The following LHFPL3 variants were observed in gnomAD, a reference collection of about 807,000 sequenced individuals.
LHFPL3 encodes LHFPL tetraspan subfamily member 3.
LHFPL3 carries 5 observed loss-of-function variants against 19.3 expected under a neutral mutation model. That is an observed-to-expected ratio of 0.26 (90% CI 0.14 to 0.54). The LOEUF is 0.54. LHFPL3 is among the 20% of genes least tolerant of loss of function. The pLI, the probability that LHFPL3 is intolerant of heterozygous loss-of-function variation, is 0.94. For missense variants in LHFPL3, 249 were observed against 307.4 expected, an observed-to-expected ratio of 0.81 and a Z score of 1.42; for synonymous variants, 133 against 126.2, an observed-to-expected ratio of 1.05 and a Z score of -0.36.
chr7:104,746,474 C>T (rs184470741), intron 2 of LHFPL3, among the ~76,000 whole-genome samples: 1 of 152,130 alleles, frequency 6.6e-6, no homozygotes, highest in East Asian at 1.9e-4. Flanking sequence ...GATGAAAAAG[C>T]CAAGGCGCAG....
At chr7:104,830,107 C>G (rs1460872211) in intron 2 of LHFPL3, among the ~76,000 whole-genome samples, 1 of 151,828 alleles carries the variant, frequency 6.6e-6, no homozygotes, top group Admixed American at 6.6e-5. Flanking sequence ...TTTCATGTGT[C>G]TTTTGGCTGC....
intron 1 of LHFPL3, among the ~76,000 whole-genome samples, chr7:104,424,296 T>A (rs1791795142): frequency 6.6e-6 from 1 of 152,292 alleles, no homozygotes; most frequent in East Asian, 1.9e-4. Flanking sequence ...CAAGGTACTT[T>A]TGTTGGGGAA....
chr7:104,820,137 T>C (rs565962871), intron 2 of LHFPL3, among the ~76,000 whole-genome samples: 7 of 152,186 alleles, frequency 4.6e-5, no homozygotes, highest in East Asian at 1.9e-4. Context: ...TATCTGAAAA[T>C]TGGAAAATCC....
chr7:104,894,559 ACAT>A (rs1017855488), intron 2 of LHFPL3: 2 of 152,246 alleles, frequency 1.3e-5, no homozygotes, highest in Admixed American at 1.3e-4. Context: ...CAGCACTCAG[ACAT>A]CATCCTTGAT....
intron 2 of LHFPL3, among the ~76,000 whole-genome samples, chr7:104,904,694 C>G (rs1028019626): frequency 6.6e-6 from 1 of 151,984 alleles, no homozygotes. Flanking sequence ...AAATAAAGTG[C>G]TCTGTGATGT....
chr7:104,563,322 G>A (rs1790051386), intron 1 of LHFPL3, among the ~76,000 whole-genome samples: 1 of 152,412 alleles, frequency 6.6e-6, no homozygotes, highest in African/African-American at 2.4e-5. Flanking sequence ...TGCTGTGCTA[G>A]CAATCAGCGA....
At chr7:104,560,881 G>A (rs1235144634) in intron 1 of LHFPL3, among the ~76,000 whole-genome samples, 4 of 150,082 alleles carry the variant, frequency 2.7e-5, no homozygotes, top group Non-Finnish European at 5.9e-5. Context: ...GGTATGTTGT[G>A]TCTTTGTTCT....
intron 2 of LHFPL3, among the ~76,000 whole-genome samples, chr7:104,794,425 G>A (rs1790078972): frequency 6.6e-6 from 1 of 152,176 alleles, no homozygotes; most frequent in African/African-American, 2.4e-5. Context: ...CATGGGGAAT[G>A]GTGTTGAATA....
At chr7:104,754,155 T>A (rs1794236374) in intron 2 of LHFPL3, among the ~76,000 whole-genome samples, 1 of 152,094 alleles carries the variant, frequency 6.6e-6, no homozygotes, top group Non-Finnish European at 1.5e-5. Flanking sequence ...GAGTACTAGG[T>A]AGCAGGTAAG....
intron 1 of LHFPL3, among the ~76,000 whole-genome samples, chr7:104,427,102 G>A (rs747897370): frequency 1.1e-4 from 16 of 152,206 alleles, no homozygotes; most frequent in Non-Finnish European, 1.9e-4. Flanking sequence ...GGTTTTCACA[G>A]TGTATTTAGT....
intron 2 of LHFPL3, among the ~76,000 whole-genome samples, chr7:104,878,737 C>T (rs1791993360): frequency 6.6e-6 from 1 of 152,118 alleles, no homozygotes; most frequent in Non-Finnish European, 1.5e-5. Flanking sequence ...AAAGCTGAGA[C>T]AGGATAAAAG....
chr7:104,884,681 T>C (rs145054828), intron 2 of LHFPL3, among the ~76,000 whole-genome samples: 250 of 152,308 alleles, frequency 1.6e-3, no homozygotes, highest in African/African-American at 5.8e-3. Context: ...TAAACTCCCC[T>C]TTCAGGAGAA....
rs191240977 is a variant in LHFPL3 at position 104,423,715 on chromosome 7, A to G, written c.445+94491A>G. On this transcript the variant is annotated intron_variant, in intron 1 of 2. Coordinates refer to ENST00000424859, the MANE Select transcript of LHFPL3 (RefSeq NM_199000.3). Reference sequence around the variant, plus strand: ...GAGCTTGTTCAGGAAAGCCTCCTCCAGACTACAGGATGTTTGAGTTAAAAA... The same window carrying G: ...GAGCTTGTTCAGGAAAGCCTCCTCCGGACTACAGGATGTTTGAGTTAAAAA... Among the ~76,000 whole-genome samples, 24 of 151,652 alleles carry G rather than the reference A, an allele frequency of 1.6e-4. No individual in the cohort carries two copies. In the South Asian group the frequency reaches 4.0e-3, roughly 25 times the overall value.
intron 2 of LHFPL3, among the ~76,000 whole-genome samples, chr7:104,810,411 T>C (rs1223091670): frequency 6.6e-6 from 1 of 152,118 alleles, no homozygotes; most frequent in Admixed American, 6.6e-5. Flanking sequence ...TGATGGTATA[T>C]GTGGCAGGCA....
intron 1 of LHFPL3, among the ~76,000 whole-genome samples, chr7:104,618,546 G>A (rs929661): frequency 0.91 from 138,485 of 152,192 alleles, 63,402 homozygotes; most frequent in Non-Finnish European, 0.96. Context: ...AAGATTCTAC[G>A]TCTTCCAATT....
At chr7:104,477,421 G>A (rs113448899) in intron 1 of LHFPL3, among the ~76,000 whole-genome samples, 118 of 152,274 alleles carry the variant, frequency 7.7e-4, no homozygotes, top group African/African-American at 2.7e-3. Flanking sequence ...CTCCAATGTG[G>A]TCTCTGCTCC....
At chr7:104,427,420 G>A (rs932493679) in intron 1 of LHFPL3, among the ~76,000 whole-genome samples, 15 of 152,148 alleles carry the variant, frequency 9.9e-5, no homozygotes, top group African/African-American at 3.4e-4. Flanking sequence ...ACATCCTAAA[G>A]GAAGCAAATT....
intron 1 of LHFPL3, among the ~76,000 whole-genome samples, chr7:104,444,712 G>A (rs1208383800): frequency 6.6e-6 from 1 of 152,124 alleles, no homozygotes; most frequent in Non-Finnish European, 1.5e-5. Context: ...TTATAGGCTG[G>A]GCATGGTGGC....
intron 2 of LHFPL3, among the ~76,000 whole-genome samples, chr7:104,748,739 T>A (rs561351642): frequency 1.1e-4 from 16 of 152,312 alleles, no homozygotes; most frequent in African/African-American, 3.9e-4. Flanking sequence ...ACTCAGAGGC[T>A]GGTGGGATCC....
Sources: gnomAD v4.1 joint callset for allele counts (sites outside exome capture counted in the v4.1 genomes callset) on GRCh38, gnomAD v4.1.1 for gene constraint, MANE v1.5 for transcripts, NCBI Gene and HGNC (gene_info 2026-07-23, HGNC 2026-07-21) for gene names.